Variants in GPR39 observed in about 807,000 individuals in gnomAD.
The protein encoded by GPR39 is G protein-coupled receptor 39.
GPR39 carries 23 observed loss-of-function variants against 18.4 expected under a neutral mutation model. The observed-to-expected ratio is 1.25, with a 90% CI of 0.90 to 1.77. The LOEUF (loss-of-function observed/expected upper bound fraction) is 1.77, where lower values mean the gene tolerates loss of function less well. GPR39 is among the 40% of genes most tolerant of loss of function. The probability of loss-of-function intolerance (pLI) is 0.00; values close to 1 mark genes in which losing one functional copy is unlikely to be tolerated. For missense variants in GPR39, 647 were observed against 602.4 expected, an observed-to-expected ratio of 1.07 and a Z score of -0.78; for synonymous variants, 280 against 257.9, an observed-to-expected ratio of 1.09 and a Z score of -0.82.
At chr2:132,466,681 T>C (rs1302361748) in intron 1 of GPR39, among the ~76,000 whole-genome samples, 2 of 152,232 alleles carry the variant, frequency 1.3e-5, no homozygotes, top group African/African-American at 4.8e-5. Context: ...ACTCCTACTG[T>C]GTGCAAATTA....
At chr2:132,461,047 A>C (rs1457682816) in intron 1 of GPR39, among the ~76,000 whole-genome samples, 4 of 152,190 alleles carry the variant, frequency 2.6e-5, no homozygotes, top group African/African-American at 9.6e-5. Flanking sequence ...TGTATGAGTA[A>C]CTTGGAGGAT....
intron 1 of GPR39, among the ~76,000 whole-genome samples, chr2:132,484,000 C>A (rs1681284217): frequency 1.3e-5 from 2 of 152,130 alleles, no homozygotes; most frequent in African/African-American, 4.8e-5. Context: ...ATGGGAATGT[C>A]TCCACTCCAC....
intron 1 of GPR39, among the ~76,000 whole-genome samples, chr2:132,643,198 A>C (rs1027884643): frequency 2.0e-5 from 3 of 152,116 alleles, no homozygotes; most frequent in African/African-American, 4.8e-5. Flanking sequence ...TTTTTTAACC[A>C]TTTTTTCATC....
intron 1 of GPR39, among the ~76,000 whole-genome samples, chr2:132,545,706 ATTC>A (rs1372078224): frequency 2.0e-5 from 3 of 150,608 alleles, no homozygotes; most frequent in Non-Finnish European, 4.4e-5. Context: ...GATGATGACA[ATTC>A]TTCTCCACTT....
intron 1 of GPR39, among the ~76,000 whole-genome samples, chr2:132,481,789 C>G (rs1018435981): frequency 6.6e-6 from 1 of 152,152 alleles, no homozygotes; most frequent in Non-Finnish European, 1.5e-5. Flanking sequence ...GGAGGCAGTT[C>G]CTTAATGCCA....
At chr2:132,599,388 C>G (rs1447332793) in intron 1 of GPR39, among the ~76,000 whole-genome samples, 1 of 152,160 alleles carries the variant, frequency 6.6e-6, no homozygotes, top group East Asian at 1.9e-4. Context: ...TTGCCCTATC[C>G]TGTTCTCTCT....
At chr2:132,561,843 A>T (rs527312854) in intron 1 of GPR39, among the ~76,000 whole-genome samples, 4 of 152,210 alleles carry the variant, frequency 2.6e-5, no homozygotes, top group African/African-American at 9.6e-5. Flanking sequence ...TGTCCCCCTC[A>T]AGCATTCAGG....
chr2:132,560,524 G>A (rs1267928262), intron 1 of GPR39, among the ~76,000 whole-genome samples: 5 of 152,060 alleles, frequency 3.3e-5, no homozygotes, highest in Admixed American at 2.6e-4. Context: ...TGCCTTCCCC[G>A]CTCTACTGAA....
intron 1 of GPR39, among the ~76,000 whole-genome samples, chr2:132,447,964 T>C (rs1680567251): frequency 6.6e-6 from 1 of 152,036 alleles, no homozygotes; most frequent in Non-Finnish European, 1.5e-5. Context: ...CAAAGCATGG[T>C]TGGAATTTGT....
At chr2:132,504,972 A>G (rs16832574) in intron 1 of GPR39, among the ~76,000 whole-genome samples, 5,023 of 152,304 alleles carry the variant, frequency 0.033, 183 homozygotes, top group African/African-American at 0.09. Flanking sequence ...GTTGGTGGAA[A>G]TCTGTCCAGC....
At chr2:132,572,220 G>A (rs13431145) in intron 1 of GPR39, among the ~76,000 whole-genome samples, 1,794 of 152,222 alleles carry the variant, frequency 0.012, 35 homozygotes, top group African/African-American at 0.041. Flanking sequence ...AGGCCAGCTC[G>A]TGTTGGCCCT....
intron 1 of GPR39, among the ~76,000 whole-genome samples, chr2:132,453,394 G>A (rs190124052): frequency 2.0e-5 from 3 of 152,286 alleles, no homozygotes; most frequent in East Asian, 3.9e-4. Flanking sequence ...TTTGTCAGAT[G>A]AGTAGATTGC....
chr2:132,518,816 A>G (rs1475482464), intron 1 of GPR39, among the ~76,000 whole-genome samples: 1 of 152,240 alleles, frequency 6.6e-6, no homozygotes, highest in Non-Finnish European at 1.5e-5. Flanking sequence ...ATATTAATGC[A>G]ATAGTTTTCA....
At chr2:132,501,054 G>GTTTTTTTTTTTTTTTTTTTTT (rs55720929) in intron 1 of GPR39, among the ~76,000 whole-genome samples, 4 of 90,320 alleles carry the variant, frequency 4.4e-5, no homozygotes, top group Non-Finnish European at 6.6e-5. Context: ...TATCTTTTGT[G>GTTTTTTTTTTTTTTTTTTTTT]TTTTTTTTTT....
chr2:132,455,226 AG>A (rs1680700141), intron 1 of GPR39, among the ~76,000 whole-genome samples: 1 of 152,200 alleles, frequency 6.6e-6, no homozygotes, highest in East Asian at 1.9e-4. Flanking sequence ...GTATGTGTCC[AG>A]GAATTTATCC....
At chr2:132,526,928 T>G (rs758827390) in intron 1 of GPR39, among the ~76,000 whole-genome samples, 4 of 152,204 alleles carry the variant, frequency 2.6e-5, no homozygotes, top group Middle Eastern at 3.2e-3. Flanking sequence ...ACCTACTTTG[T>G]TTTTTAAATT....
At chr2:132,566,594 C>T (rs1680353196) in intron 1 of GPR39, among the ~76,000 whole-genome samples, 1 of 152,180 alleles carries the variant, frequency 6.6e-6, no homozygotes, top group Non-Finnish European at 1.5e-5. Context: ...TCCTCCATGA[C>T]CCATGAAACG....
intron 1 of GPR39, among the ~76,000 whole-genome samples, chr2:132,570,428 T>C (rs532702821): frequency 2.0e-5 from 3 of 152,280 alleles, no homozygotes; most frequent in Admixed American, 2.0e-4. Flanking sequence ...CTCTACTATA[T>C]CTACTTCTAG....
chr2:132,419,741 CT>C (rs555720140), intron 1 of GPR39, among the ~76,000 whole-genome samples: 15 of 151,172 alleles, frequency 9.9e-5, no homozygotes, highest in Non-Finnish European at 1.8e-4. Flanking sequence ...ATTAAATTTC[CT>C]TTTTTTTTGA....
Sources: gnomAD v4.1 joint callset for allele counts (sites outside exome capture counted in the v4.1 genomes callset) on GRCh38, gnomAD v4.1.1 for gene constraint, MANE v1.5 for transcripts, NCBI Gene and HGNC (gene_info 2026-07-23, HGNC 2026-07-21) for gene names.